CREBBP: variants seen among roughly 807,000 people sequenced by gnomAD.
The protein encoded by CREBBP is CREB binding lysine acetyltransferase.
Under a neutral mutation model 265.0 loss-of-function variants are expected in CREBBP, and 19 were observed. That is an observed-to-expected ratio of 0.07 (90% CI 0.05 to 0.11). CREBBP has a LOEUF of 0.11. Ranked by LOEUF, CREBBP falls within the 10% of genes least tolerant of loss-of-function variation. CREBBP has a pLI of 1.00. For synonymous variants in CREBBP, 1,457 were observed against 1,223.7 expected (o/e 1.19, Z -3.98); for missense variants, 2,525 against 3,219.0 (o/e 0.78, Z 5.22).
In CREBBP at chr16:3,851,043, A is replaced by G. The variant is rs200222824; in HGVS notation, c.86-34T>C. On this transcript the variant is annotated intron_variant, in intron 1 of 30. Transcript: ENST00000262367. ...TAAACAGAAATGGAAATGAGAAACTAAGCAACCTTTACAGCTCTCCAACTG... is the reference window on the plus strand; with the variant it reads ...TAAACAGAAATGGAAATGAGAAACTGAGCAACCTTTACAGCTCTCCAACTG... 6.3e-6 allele frequency: 10 copies of G among 1,588,232 alleles called. No individual in the cohort carries two copies. The East Asian group carries it at 1.6e-4, about 25-fold the overall frequency.
At chr16:3,863,519 C>T (rs185874145) in intron 1 of CREBBP, among the ~76,000 whole-genome samples, 1 of 152,236 alleles carries the variant, frequency 6.6e-6, no homozygotes, top group East Asian at 1.9e-4. Flanking sequence ...CGGAGAATTG[C>T]TGAACTCGGG....
At chr16:3,777,860 G>A in intron 10 of CREBBP, 151 bp downstream of exon 10, 2 of 1,104,374 alleles carry the variant, frequency 1.8e-6, no homozygotes, top group African/African-American at 1.5e-5. Context: ...AACACAGCCT[G>A]AGGCAGGTGG....
chr16:3,837,406 A>G (rs1030730917), intron 2 of CREBBP, among the ~76,000 whole-genome samples: 1 of 152,146 alleles, frequency 6.6e-6, no homozygotes, highest in Non-Finnish European at 1.5e-5. Context: ...GCCTGAGCTC[A>G]AGAGTTTACG....
chr16:3,872,629 T>G (rs1164936535), intron 1 of CREBBP, among the ~76,000 whole-genome samples: 5 of 152,068 alleles, frequency 3.3e-5, no homozygotes. Flanking sequence ...CAGAGAGGAC[T>G]AAAGGGAACG....
At chr16:3,858,457 C>T (rs1302505078) in intron 1 of CREBBP, among the ~76,000 whole-genome samples, 2 of 152,210 alleles carry the variant, frequency 1.3e-5, no homozygotes, top group African/African-American at 2.4e-5. Flanking sequence ...CCTACAGACA[C>T]AATGCGTTAA....
chr16:3,840,723 A>G (rs1033774958), intron 2 of CREBBP: 1 of 155,934 alleles, frequency 6.4e-6, no homozygotes, highest in Non-Finnish European at 1.4e-5. Flanking sequence ...CAACAACAGT[A>G]TACGGGAGCA....
chr16:3,766,451 T>G (rs188886395), intron 16 of CREBBP, among the ~76,000 whole-genome samples: 2 of 152,320 alleles, frequency 1.3e-5, no homozygotes, highest in East Asian at 3.9e-4. Flanking sequence ...TTTGGAAAAA[T>G]TGTTTTTCAT....
rs1374554713 is a variant in CREBBP at position 3,725,475 on chromosome 16, T to C, written c.*2243A>G. 4.3e-6 allele frequency: 1 copy of C among 233,220 alleles called. No individual in the cohort carries two copies. 14.4% of individuals were successfully genotyped at this position (233,220 alleles called of 1,614,324 possible). A position where few individuals can be genotyped will look rare whatever the true frequency, so the allele number is the denominator to read the frequency against. Reference sequence around the variant, plus strand: ...TAGCCCCACTTCTTGTTTGAACACATGGCTCAAGGTTTCCCTACGGGTGGA... The same window carrying C: ...TAGCCCCACTTCTTGTTTGAACACACGGCTCAAGGTTTCCCTACGGGTGGA... On this transcript the variant is annotated 3_prime_UTR_variant, in exon 31 of 31. Transcript: ENST00000262367.
chr16:3,783,049 T>C lies in CREBBP; in HGVS notation c.1331-123A>G, dbSNP rs1425016582. Reference sequence around the variant, plus strand: ...ATCAAAATACTACACATGAATATCATAAAGCAGTAAACAAGCCTAGGGAGA... The same window carrying C: ...ATCAAAATACTACACATGAATATCACAAAGCAGTAAACAAGCCTAGGGAGA... On this transcript the variant is annotated intron_variant, in intron 5 of 30. Transcript: ENST00000262367. 6 of 1,285,958 alleles carry C rather than the reference T, an allele frequency of 4.7e-6. No individual in the cohort carries two copies. In the Admixed American group the frequency reaches 1.2e-4, roughly 25 times the overall value. 79.7% of individuals were successfully genotyped at this position (1,285,958 alleles called of 1,614,324 possible).
chr16:3,773,217 A>C (rs1379233623), intron 13 of CREBBP, among the ~76,000 whole-genome samples: 1 of 152,210 alleles, frequency 6.6e-6, no homozygotes, highest in African/African-American at 2.4e-5. Flanking sequence ...CAAAAGAGGA[A>C]AAAAGGAAGG....
In CREBBP at chr16:3,752,430, C is replaced by T. The variant is rs142051285; in HGVS notation, c.3699-624G>A. Among the ~76,000 whole-genome samples the T allele has an allele frequency of 2.1e-4, 32 of 151,096 alleles. No individual in the cohort carries two copies. The East Asian group carries it at 5.2e-3, about 25-fold the overall frequency. On this transcript the variant is annotated intron_variant, in intron 19 of 30. Coordinates refer to ENST00000262367, the MANE Select transcript of CREBBP (RefSeq NM_004380.3). ...TTAAATGTATGAAAATGCTGAGCAC[C>T]CAGAACTGATTTTAATTTTTTCCTG...
Position 3,727,154 on chromosome 16 carries a change from A to T in CREBBP, c.*564T>A, listed in dbSNP as rs1292030473. ...TATAGATAGATGTGTGTGGGTGTGT[A>T]CGTGTGTGCACGCCGGAGTCAATTC... On this transcript the variant is annotated 3_prime_UTR_variant, in exon 31 of 31. Transcript: ENST00000262367. 2 of 240,920 alleles carry T rather than the reference A, an allele frequency of 8.3e-6. No individual in the cohort carries two copies. Among genetic ancestry groups the T allele is most frequent in the Non-Finnish European group, 1.6e-5 (2 of 122,776 alleles). 14.9% of individuals were successfully genotyped at this position (240,920 alleles called of 1,614,324 possible).
Position 3,728,891 on chromosome 16 carries a change from C to A in CREBBP, c.6156G>T (p.Arg2052=). ...MQAQAAVAGP[R]MPSVQPPRSI... is the part of the protein sequence containing the mutation. ...TCCTGGGTGGCTGCACGCTGGGCAT[C>A]CGGGGCCCAGCCACGGCCGCCTGGG... Residue 2052 remains arginine (R), a synonymous_variant, in exon 31 of 31, where the codon CGG becomes CGT. Transcript: ENST00000262367. This position sits in a 1 kb window ranked among gnomAD's most constrained non-coding sequence, Gnocchi z 8.7. 1 of 1,610,246 alleles carries A rather than the reference C, an allele frequency of 6.2e-7. No homozygotes were observed. Among genetic ancestry groups the A allele is most frequent in the Non-Finnish European group, 8.5e-7 (1 of 1,179,564 alleles).
In CREBBP at chr16:3,725,099, C is replaced by T. The variant is rs1473805956; in HGVS notation, c.*2619G>A. 4.3e-6 allele frequency: 1 copy of T among 233,036 alleles called. No homozygotes were observed. The highest frequency in any genetic ancestry group is 6.1e-5 in the East Asian group (1 of 16,490). The allele number at this position is 233,036 out of a possible 1,614,324, so 14.4% of individuals were successfully genotyped here. The stretch of plus-strand genomic sequence containing the variant: ...CCATCTTTTATTATAAACACCATCA[C>T]ATTTCAAGTTTCCTCTTTTTGATCA... On this transcript the variant is annotated 3_prime_UTR_variant, in exon 31 of 31. Transcript: ENST00000262367.
rs931838817 is a variant in CREBBP at position 3,726,208 on chromosome 16, ACT to A, written c.*1508_*1509del. On this transcript the variant is annotated 3_prime_UTR_variant, in exon 31 of 31. Transcript: ENST00000262367. ...AGAAAGCACCTCGCGAGCCTGGAGC[ACT>A]CTCTGCCTCAGATTCTGGGAGTCGT... is the stretch of plus-strand genomic sequence containing the variant. 5 of 203,970 alleles carry A rather than the reference ACT, an allele frequency of 2.5e-5. No individual in the cohort carries two copies. The highest frequency in any genetic ancestry group is 2.2e-4 in the Admixed American group (3 of 13,396). 12.6% of individuals were successfully genotyped at this position (203,970 alleles called of 1,614,324 possible).
intron 12 of CREBBP, 36 bp downstream of exon 12, chr16:3,774,533 A>G (rs774167057): frequency 6.2e-6 from 10 of 1,613,290 alleles, no homozygotes; most frequent in Middle Eastern, 1.8e-4. Flanking sequence ...TGTGAGAGGG[A>G]GGGCTATCTG....
At position 3,728,526 on chromosome 16, in the gene CREBBP, A is replaced by C; in HGVS notation, c.6521T>G (p.Met2174Arg). 6.2e-7 allele frequency: 1 copy of C among 1,613,950 alleles called. No homozygotes were observed. Among genetic ancestry groups the C allele is most frequent in the Non-Finnish European group, 8.5e-7 (1 of 1,179,982 alleles). The change falls in exon 31 of 31, where the codon ATG (methionine) becomes AGG (arginine). Residue 2174 changes from methionine to arginine, a missense_variant. Physicochemically the swap from Met to Arg is moderately conservative, Grantham distance 91. Transcript: ENST00000262367. This position sits in a 1 kb window ranked among gnomAD's most constrained non-coding sequence, Gnocchi z 8.7. ...CATGTTGGGGTTGTGTCCTGGGTTC[A>C]TGATGTTCAAGGCCTGGCCCTGGGG... ...LNPQGQALNI[M>R]NPGHNPNMAS...
Position 3,727,558 on chromosome 16 carries a change from A to C in CREBBP, c.*160T>G. The C allele has an allele frequency of 8.6e-7, 1 of 1,161,122 alleles. No individual in the cohort carries two copies. The highest frequency in any genetic ancestry group is 1.1e-6 in the Non-Finnish European group (1 of 890,720). The allele number at this position is 1,161,122 out of a possible 1,614,324, so 71.9% of individuals were successfully genotyped here. A position where few individuals can be genotyped will look rare whatever the true frequency, so the allele number is the denominator to read the frequency against. On this transcript the variant is annotated 3_prime_UTR_variant, in exon 31 of 31. Coordinates refer to ENST00000262367, the MANE Select transcript of CREBBP (RefSeq NM_004380.3). ...ATATTTAAATCAACTGGTTTTTAACAAAAAAATATATTCTTTGTATTGTTT... is the reference window on the plus strand; with the variant it reads ...ATATTTAAATCAACTGGTTTTTAACCAAAAAATATATTCTTTGTATTGTTT...
intron 2 of CREBBP, among the ~76,000 whole-genome samples, chr16:3,813,356 T>G (rs2053974154): frequency 2.0e-5 from 3 of 152,204 alleles, no homozygotes. Flanking sequence ...TGACTTAATC[T>G]AGGCAAGATG....
Sources: allele counts gnomAD v4.1 joint callset (sites outside exome capture counted in the v4.1 genomes callset), GRCh38; gene constraint gnomAD v4.1.1; non-coding constraint Gnocchi (gnomAD v3.1); transcripts MANE v1.5; gene names NCBI Gene and HGNC (gene_info 2026-07-23, HGNC 2026-07-21).